Variants in BMAL2 observed in about 807,000 individuals in gnomAD.
BMAL2 encodes the protein basic helix-loop-helix ARNT-like protein 2.
chr12:27,355,954 C>T, the BMAL2 span, among the ~76,000 whole-genome samples: 1 of 152,182 alleles, frequency 6.6e-6, no homozygotes, highest in South Asian at 2.1e-4. Context: ...CCCTTTTAGA[C>T]ATCTTGCTAC....
the BMAL2 span, chr12:27,390,370 A>AT: frequency 3.6e-6 from 4 of 1,100,896 alleles, no homozygotes; most frequent in South Asian, 3.1e-5. Flanking sequence ...TAAAAATAAG[A>AT]TTTTTTTAAA....
chr12:27,411,271 G>T, the BMAL2 span, among the ~76,000 whole-genome samples: 1 of 151,592 alleles, frequency 6.6e-6, no homozygotes, highest in Non-Finnish European at 1.5e-5. Context: ...GGGACTACAG[G>T]GGCACACCAC....
chr12:27,388,827 A>C, the BMAL2 span, among the ~76,000 whole-genome samples: 5 of 152,220 alleles, frequency 3.3e-5, no homozygotes, highest in African/African-American at 1.2e-4. Context: ...TTTCTATATT[A>C]TACTATGATG....
At chr12:27,339,773 C>T in the BMAL2 span, among the ~76,000 whole-genome samples, 6 of 152,076 alleles carry the variant, frequency 3.9e-5, no homozygotes, top group African/African-American at 1.4e-4. Flanking sequence ...TACAGGTGCA[C>T]GCCGCCATAA....
chr12:27,346,705 T>A, the BMAL2 span, among the ~76,000 whole-genome samples: 2 of 152,214 alleles, frequency 1.3e-5, no homozygotes, highest in Non-Finnish European at 2.9e-5. Flanking sequence ...GATGTCACAG[T>A]TTTTGAAGAT....
At chr12:27,364,528 T>C in the BMAL2 span, among the ~76,000 whole-genome samples, 574 of 152,290 alleles carry the variant, frequency 3.8e-3, 2 homozygotes, top group African/African-American at 0.013. Context: ...CATTCATCTG[T>C]CTATCCTCAT....
chr12:27,342,429 T>G, the BMAL2 span, among the ~76,000 whole-genome samples: 6 of 152,278 alleles, frequency 3.9e-5, no homozygotes, highest in African/African-American at 1.2e-4. Flanking sequence ...TTTTAAGAGA[T>G]AGATCAGTAT....
At chr12:27,335,860 GGAA>G in the BMAL2 span, among the ~76,000 whole-genome samples, 1 of 152,080 alleles carries the variant, frequency 6.6e-6, no homozygotes, top group South Asian at 2.1e-4. Context: ...TTTGACTCCA[GGAA>G]AAACAAAAAC....
chr12:27,415,611 T>C, the BMAL2 span, among the ~76,000 whole-genome samples: 1 of 152,178 alleles, frequency 6.6e-6, no homozygotes, highest in Non-Finnish European at 1.5e-5. Flanking sequence ...ACATGCTATA[T>C]TGACAGATGA....
the BMAL2 span, among the ~76,000 whole-genome samples, chr12:27,383,505 C>T: frequency 6.6e-6 from 1 of 152,286 alleles, no homozygotes; most frequent in Admixed American, 6.5e-5. Context: ...CTCAGTGCTG[C>T]TCTCACTGCC....
the BMAL2 span, among the ~76,000 whole-genome samples, chr12:27,416,621 AG>A: frequency 6.6e-6 from 1 of 152,202 alleles, no homozygotes; most frequent in Non-Finnish European, 1.5e-5. Flanking sequence ...TACAGGAGAA[AG>A]GAGAAATTTT....
At chr12:27,355,593 G>A in the BMAL2 span, among the ~76,000 whole-genome samples, 35 of 152,082 alleles carry the variant, frequency 2.3e-4, no homozygotes, top group East Asian at 6.0e-3. Context: ...TTATCCTTTC[G>A]AACTTCTACA....
the BMAL2 span, among the ~76,000 whole-genome samples, chr12:27,361,140 C>A: frequency 1.3e-5 from 2 of 152,144 alleles, no homozygotes; most frequent in Admixed American, 1.3e-4. Flanking sequence ...AATGTGTATT[C>A]TCTTTCAACC....
chr12:27,355,832 G>A, the BMAL2 span, among the ~76,000 whole-genome samples: 1 of 152,182 alleles, frequency 6.6e-6, no homozygotes, highest in Non-Finnish European at 1.5e-5. Context: ...AGTTTATGGA[G>A]CCTGAGACAG....
the BMAL2 span, among the ~76,000 whole-genome samples, chr12:27,343,075 T>C: frequency 3.3e-5 from 5 of 152,354 alleles, no homozygotes; most frequent in African/African-American, 9.6e-5. Flanking sequence ...GCTGTTTCTC[T>C]AGGAAGCACA....
At chr12:27,389,776 A>C in the BMAL2 span, 1 of 212,900 alleles carries the variant, frequency 4.7e-6, no homozygotes, top group African/African-American at 2.3e-5. Context: ...AAAACAATTG[A>C]TTCCTGTAAT....
the BMAL2 span, chr12:27,377,460 A>G: frequency 6.6e-6 from 1 of 152,148 alleles, no homozygotes; most frequent in African/African-American, 2.4e-5. Context: ...CAGAGAGAGC[A>G]CCCCTTCCTC....
At chr12:27,403,404 A>G in the BMAL2 span, 2 of 1,349,892 alleles carry the variant, frequency 1.5e-6, no homozygotes, top group African/African-American at 1.4e-5. Flanking sequence ...AAAGTCCTCA[A>G]CTGAATTTCT....
the BMAL2 span, among the ~76,000 whole-genome samples, chr12:27,357,770 C>T: frequency 6.6e-6 from 1 of 152,102 alleles, no homozygotes; most frequent in Non-Finnish European, 1.5e-5. Context: ...GGAAAGGACA[C>T]CCTTTTAAAC....
Sources: allele counts gnomAD v4.1 joint callset (sites outside exome capture counted in the v4.1 genomes callset), GRCh38; gene constraint gnomAD v4.1.1; transcripts MANE v1.5; gene names NCBI Gene and HGNC (gene_info 2026-07-23, HGNC 2026-07-21).